KLHL32: variants seen among roughly 807,000 people sequenced by gnomAD.
KLHL32 encodes the protein kelch like family member 32.
Under a neutral mutation model 64.8 loss-of-function variants are expected in KLHL32, and 35 were observed. The ratio of observed to expected loss-of-function variants is 0.54; its 90% CI spans 0.41 to 0.72. The LOEUF (loss-of-function observed/expected upper bound fraction) is 0.72, where lower values mean the gene tolerates loss of function less well. Ranked by LOEUF, KLHL32 falls within the 30% of genes least tolerant of loss-of-function variation. KLHL32 has a pLI of 0.00. For synonymous variants in KLHL32, 259 were observed against 281.0 expected (o/e 0.92, Z 0.78); for missense variants, 589 against 768.5 (o/e 0.77, Z 2.76).
At chr6:97,095,480 A>C (rs1191493552) in intron 6 of KLHL32, among the ~76,000 whole-genome samples, 1 of 152,178 alleles carries the variant, frequency 6.6e-6, no homozygotes, top group East Asian at 1.9e-4. Context: ...GGATTCTGGG[A>C]GTTAGAATAG....
intron 1 of KLHL32, among the ~76,000 whole-genome samples, chr6:96,932,242 A>T (rs1287791299): frequency 7.9e-6 from 1 of 126,662 alleles, no homozygotes; most frequent in African/African-American, 3.5e-5. Flanking sequence ...AGCCTAAAGA[A>T]ATATGGAATC....
chr6:97,039,157 TG>T (rs1784742829), intron 3 of KLHL32, among the ~76,000 whole-genome samples: 1 of 149,900 alleles, frequency 6.7e-6, no homozygotes, highest in Non-Finnish European at 1.5e-5. Context: ...AGTGAATGAA[TG>T]GACAAAGAAA....
intron 3 of KLHL32, among the ~76,000 whole-genome samples, chr6:97,020,440 A>T (rs530858291): frequency 6.6e-6 from 1 of 150,974 alleles, no homozygotes; most frequent in Non-Finnish European, 1.5e-5. Flanking sequence ...AAATGTAATT[A>T]TCAAAAGTGG....
chr6:97,025,887 C>A (rs1782657005), intron 3 of KLHL32, among the ~76,000 whole-genome samples: 1 of 152,138 alleles, frequency 6.6e-6, no homozygotes, highest in Non-Finnish European at 1.5e-5. Context: ...TGACACAGGG[C>A]CTGCCACATG....
rs111815856 is a variant in KLHL32, at chr6:97,111,407, G to A, written c.628-2376G>A. Among the ~76,000 whole-genome samples the A allele has an allele frequency of 2.6e-3, 397 of 152,340 alleles. 3 individuals carry two copies. The highest frequency in any genetic ancestry group is 9.0e-3 in the African/African-American group (374 of 41,586). The stretch of plus-strand genomic sequence containing the variant: ...CCTTCACGGGCGGGAACTGGAATGC[G>A]GGTGCTGGGGCTAGCCAGCCGCTTC... On this transcript the variant is annotated intron_variant, in intron 6 of 10. Transcript: ENST00000369261.
intron 1 of KLHL32, among the ~76,000 whole-genome samples, chr6:96,943,804 G>A (rs1247869750): frequency 1.3e-5 from 2 of 152,196 alleles, no homozygotes; most frequent in African/African-American, 4.8e-5. Context: ...CTGGGGAAGG[G>A]AAAAGTCATA....
intron 3 of KLHL32, among the ~76,000 whole-genome samples, chr6:97,021,024 C>T (rs539750691): frequency 2.7e-5 from 4 of 150,558 alleles, no homozygotes; most frequent in African/African-American, 7.5e-5. Flanking sequence ...TATTAGAGTC[C>T]TCCAGAGAAG....
At chr6:96,964,531 T>A (rs1774232505) in intron 1 of KLHL32, among the ~76,000 whole-genome samples, 1 of 152,108 alleles carries the variant, frequency 6.6e-6, no homozygotes, top group South Asian at 2.1e-4. Flanking sequence ...CCGGCGCCTG[T>A]AGTCCCAGCT....
chr6:96,908,400 C>T, the KLHL32 span, among the ~76,000 whole-genome samples: 6 of 152,042 alleles, frequency 3.9e-5, no homozygotes, highest in Non-Finnish European at 5.9e-5. Context: ...AATGATTTGG[C>T]GGGATTCATT....
At chr6:97,036,513 G>A (rs1200593863) in intron 3 of KLHL32, among the ~76,000 whole-genome samples, 1 of 152,200 alleles carries the variant, frequency 6.6e-6, no homozygotes, top group African/African-American at 2.4e-5. Context: ...CTTTGGTGGG[G>A]AAGACTTTCA....
At chr6:97,041,992 C>T (rs771842972) in intron 4 of KLHL32, among the ~76,000 whole-genome samples, 1 of 152,128 alleles carries the variant, frequency 6.6e-6, no homozygotes. Context: ...TTATGTCCAA[C>T]GTCTTGGTAC....
chr6:97,121,645 G>GT (rs1239060863), intron 7 of KLHL32, among the ~76,000 whole-genome samples: 37 of 151,530 alleles, frequency 2.4e-4, no homozygotes, highest in East Asian at 9.7e-4. Context: ...GTTTTGTTTT[G>GT]TTTTTTTTAA....
intron 3 of KLHL32, among the ~76,000 whole-genome samples, chr6:97,021,620 G>A (rs6931142): frequency 0.07 from 10,581 of 150,762 alleles, 1,389 homozygotes; most frequent in African/African-American, 0.2. Context: ...ACATACTAGA[G>A]TAATGTTTTA....
chr6:96,960,102 G>A (rs576910945), intron 1 of KLHL32, among the ~76,000 whole-genome samples: 50 of 152,280 alleles, frequency 3.3e-4, no homozygotes, highest in Middle Eastern at 3.4e-3. Context: ...AATAGGGGTA[G>A]TAAATAAGCT....
At chr6:97,033,388 G>C (rs1372684730) in intron 3 of KLHL32, among the ~76,000 whole-genome samples, 1 of 152,076 alleles carries the variant, frequency 6.6e-6, no homozygotes, top group Non-Finnish European at 1.5e-5. Context: ...ATGTTCGTAT[G>C]TGTGTGTATG....
the KLHL32 span, among the ~76,000 whole-genome samples, chr6:96,909,319 C>G: frequency 3.9e-5 from 6 of 152,306 alleles, no homozygotes; most frequent in Middle Eastern, 3.4e-3. Flanking sequence ...ATTAACTGCT[C>G]TGTTCTGGAA....
chr6:97,106,929 C>T (rs1406790701), intron 6 of KLHL32, among the ~76,000 whole-genome samples: 1 of 151,996 alleles, frequency 6.6e-6, no homozygotes, highest in African/African-American at 2.4e-5. Flanking sequence ...AAAATACTAC[C>T]AACCTATTTT....
chr6:97,001,461 G>A (rs937061872), intron 3 of KLHL32, among the ~76,000 whole-genome samples: 2 of 151,942 alleles, frequency 1.3e-5, no homozygotes, highest in Non-Finnish European at 2.9e-5. Context: ...GTTTTGTTTT[G>A]GTTTGTTTTT....
chr6:97,104,002 C>G (rs568523263), intron 6 of KLHL32, among the ~76,000 whole-genome samples: 1 of 152,202 alleles, frequency 6.6e-6, no homozygotes, highest in Non-Finnish European at 1.5e-5. Flanking sequence ...ATAACTGATC[C>G]AATGTCAGCC....
Sources: allele counts gnomAD v4.1 joint callset (sites outside exome capture counted in the v4.1 genomes callset), GRCh38; gene constraint gnomAD v4.1.1; transcripts MANE v1.5; gene names NCBI Gene and HGNC (gene_info 2026-07-23, HGNC 2026-07-21).